RTL4: variants seen among roughly 807,000 people sequenced by gnomAD.
The protein encoded by RTL4 is retrotransposon Gag-like protein 4.
Under a neutral mutation model 5.3 loss-of-function variants are expected in RTL4, and 4 were observed. The observed-to-expected ratio is 0.75, with a 90% confidence interval of 0.37 to 1.72. The LOEUF is 1.72. Among genes scored for constraint, RTL4 ranks in the 40% most tolerant of loss-of-function variants. The probability of loss-of-function intolerance (pLI) is 0.04; values close to 1 mark genes in which losing one functional copy is unlikely to be tolerated. For missense variants in RTL4, 260 were observed against 227.1 expected (o/e 1.14, Z -0.93); for synonymous variants, 98 against 87.3 (o/e 1.12, Z -0.68).
chrX:112,165,255 AT>A, the RTL4 span, among the ~76,000 whole-genome samples: 1 of 112,641 alleles, frequency 8.9e-6, no homozygotes, highest in Non-Finnish European at 1.9e-5. Flanking sequence ...TTTTCAGAAA[AT>A]AAAACAAAAT....
the RTL4 span, chrX:112,320,206 C>T: frequency 8.9e-6 from 1 of 111,842 alleles, no homozygotes; most frequent in East Asian, 2.8e-4. Flanking sequence ...GATGCCTCCC[C>T]CTGGTAATTG....
chrX:112,414,335 A>C, the RTL4 span, among the ~76,000 whole-genome samples: 24 of 111,734 alleles, frequency 2.1e-4, no homozygotes, highest in African/African-American at 5.2e-4. Context: ...TCATGAATAC[A>C]TTTTAAACTT....
At chrX:112,199,288 CAAAA>C in the RTL4 span, among the ~76,000 whole-genome samples, 1 of 34,167 alleles carries the variant, frequency 2.9e-5, no homozygotes, top group East Asian at 1.1e-3. Context: ...GGCTCCGTCT[CAAAA>C]AAAAAAAAAA....
At chrX:112,453,159 T>C (rs945884464), upstream of RTL4, among the ~76,000 whole-genome samples, 1 of 111,700 alleles carries the variant, frequency 9.0e-6, no homozygotes, top group African/African-American at 3.3e-5. Flanking sequence ...TCTTATACTA[T>C]TTGTCTTCCA....
chrX:112,271,678 A>T, the RTL4 span, among the ~76,000 whole-genome samples: 1 of 112,266 alleles, frequency 8.9e-6, no homozygotes, highest in African/African-American at 3.2e-5. Context: ...ACCAGTAAAA[A>T]TTGTATATAT....
the RTL4 span, among the ~76,000 whole-genome samples, chrX:112,130,068 G>A: frequency 4.5e-5 from 5 of 110,784 alleles, no homozygotes; most frequent in African/African-American, 6.6e-5. Context: ...TTATTTCCAC[G>A]CTTATCTACA....
the RTL4 span, among the ~76,000 whole-genome samples, chrX:112,416,846 C>A: frequency 9.0e-6 from 1 of 111,731 alleles, no homozygotes; most frequent in Non-Finnish European, 1.9e-5. Flanking sequence ...TGAGCACCTG[C>A]CAGGGGCCAC....
the RTL4 span, among the ~76,000 whole-genome samples, chrX:112,220,511 A>G: frequency 8.9e-6 from 1 of 112,686 alleles, no homozygotes; most frequent in South Asian, 3.6e-4. Flanking sequence ...CATTTTCCCC[A>G]TTATCCTGGC....
the RTL4 span, among the ~76,000 whole-genome samples, chrX:112,162,262 C>A: frequency 4.1e-3 from 459 of 111,418 alleles, no homozygotes; most frequent in African/African-American, 0.014. Context: ...CTGAAGGAAA[C>A]CTTTCTAAGG....
At chrX:112,191,307 G>A in the RTL4 span, among the ~76,000 whole-genome samples, 1 of 111,524 alleles carries the variant, frequency 9.0e-6, no homozygotes, top group Non-Finnish European at 1.9e-5. Context: ...AGACATACAT[G>A]TGCCACGGAC....
At chrX:112,169,081 TTC>T in the RTL4 span, among the ~76,000 whole-genome samples, 2 of 41,459 alleles carry the variant, frequency 4.8e-5, no homozygotes, top group Non-Finnish European at 4.9e-5. Flanking sequence ...TTTTCTTTCT[TTC>T]TTTTCTTTCT....
the RTL4 span, among the ~76,000 whole-genome samples, chrX:112,128,289 A>G: frequency 3.6e-5 from 4 of 111,716 alleles, no homozygotes; most frequent in Non-Finnish European, 7.5e-5. Flanking sequence ...TTGATTTGAC[A>G]AGGGTGCCAA....
At chrX:112,119,530 G>A in the RTL4 span, among the ~76,000 whole-genome samples, 2 of 111,557 alleles carry the variant, frequency 1.8e-5, no homozygotes, top group Non-Finnish European at 3.8e-5. Context: ...GTCAACAATA[G>A]TTAGGCTTGA....
the RTL4 span, among the ~76,000 whole-genome samples, chrX:112,307,687 T>A: frequency 3.6e-5 from 4 of 111,921 alleles, no homozygotes; most frequent in African/African-American, 1.3e-4. Flanking sequence ...TCTTGTTGTT[T>A]CCACATTTAA....
the RTL4 span, among the ~76,000 whole-genome samples, chrX:112,299,911 TAC>T: frequency 1.8e-5 from 2 of 111,185 alleles, no homozygotes; most frequent in African/African-American, 6.5e-5. Context: ...CACACACACA[TAC>T]ACACACATAT....
chrX:112,315,838 C>A, the RTL4 span, among the ~76,000 whole-genome samples: 5 of 111,833 alleles, frequency 4.5e-5, no homozygotes, highest in Admixed American at 1.9e-4. Flanking sequence ...TTCACTCTCC[C>A]AGGGACAAGC....
At chrX:112,282,856 A>G in the RTL4 span, among the ~76,000 whole-genome samples, 1 of 111,993 alleles carries the variant, frequency 8.9e-6, no homozygotes, top group Non-Finnish European at 1.9e-5. Flanking sequence ...GGGTGAAAAA[A>G]GAGGAATAAA....
chrX:112,205,994 C>T, the RTL4 span, among the ~76,000 whole-genome samples: 2 of 111,959 alleles, frequency 1.8e-5, no homozygotes, highest in Non-Finnish European at 3.8e-5. Flanking sequence ...TAAATGTTTG[C>T]ACACAGTTAA....
chrX:112,374,533 G>T, the RTL4 span, among the ~76,000 whole-genome samples: 1,264 of 111,710 alleles, frequency 0.011, 21 homozygotes, highest in African/African-American at 0.039. Context: ...CCACAAAAAA[G>T]TACCTGCTGC....
Sources: allele counts gnomAD v4.1 joint callset (sites outside exome capture counted in the v4.1 genomes callset), GRCh38; gene constraint gnomAD v4.1.1; transcripts MANE v1.5; gene names NCBI Gene and HGNC (gene_info 2026-07-23, HGNC 2026-07-21).